Variants in PCK2 observed in about 807,000 individuals in gnomAD.
PCK2 encodes phosphoenolpyruvate carboxykinase [GTP], mitochondrial.
In PCK2, 56 loss-of-function variants were observed where a neutral mutation model predicts 65.9. The ratio of observed to expected loss-of-function variants is 0.85; its 90% confidence interval spans 0.69 to 1.06. The LOEUF (loss-of-function observed/expected upper bound fraction) is 1.06, where lower values mean the gene tolerates loss of function less well. PCK2 is among the 50% of genes least tolerant of loss of function. The probability of loss-of-function intolerance (pLI) is 0.00; values close to 1 mark genes in which losing one functional copy is unlikely to be tolerated. For synonymous variants in PCK2, 305 were observed against 319.6 expected, an observed-to-expected ratio of 0.95 and a Z score of 0.49; for missense variants, 843 against 863.1, an observed-to-expected ratio of 0.98 and a Z score of 0.29.
At position 24,100,597 on chromosome 14, in the gene PCK2, G is replaced by A. The variant is rs892476996; in HGVS notation, c.1234+384G>A. The A allele has an allele frequency of 2.8e-6, 3 of 1,076,564 alleles. No individual in the cohort carries two copies. The South Asian group carries it at 1.2e-4, about 43-fold the overall frequency. The allele number at this position is 1,076,564 out of a possible 1,614,324, so 66.7% of individuals were successfully genotyped here. Reference sequence around the variant, plus strand: ...GATTTTTTTTTAATGAAAGGAAAAGGAAGGACTTTTGAACATTCTTACAGA... The same window carrying A: ...GATTTTTTTTTAATGAAAGGAAAAGAAAGGACTTTTGAACATTCTTACAGA... On this transcript the variant is annotated intron_variant, in intron 7 of 9. Transcript: ENST00000216780.
At chr14:24,096,192 T>A (rs1267692563) in intron 1 of PCK2, among the ~76,000 whole-genome samples, 3 of 151,820 alleles carry the variant, frequency 2.0e-5, no homozygotes, top group African/African-American at 7.3e-5. Context: ...CCCAACTTCT[T>A]GTCTTGACAC....
intron 3 of PCK2, 33 bp downstream of exon 3, chr14:24,098,420 C>G (rs759240399): frequency 1.9e-6 from 3 of 1,611,966 alleles, no homozygotes; most frequent in Middle Eastern, 1.7e-4. Context: ...GGCAAGGGCA[C>G]GGAAGATGTG....
At chr14:24,102,594 G>A (rs2037203910) in intron 7 of PCK2, 159 bp from the exon 8 acceptor site, 3 of 631,268 alleles carry the variant, frequency 4.8e-6, no homozygotes, top group Non-Finnish European at 8.3e-6. Flanking sequence ...TCTTGGAGAT[G>A]CCCTGGCTCC....
At position 24,098,193 on chromosome 14, in the gene PCK2, T is replaced by C. The variant is rs747534198; in HGVS notation, c.276-10T>C. ...GGCCACCATCTTCCTGACAATCCCC[T>C]CTCCCCCAGCTGGCTGGCCCGCACA... On this transcript the variant is annotated splice_polypyrimidine_tract_variant and intron_variant, in intron 2 of 9. Coordinates refer to ENST00000216780, the MANE Select transcript of PCK2 (RefSeq NM_004563.4). 2.5e-6 allele frequency: 4 copies of C among 1,584,944 alleles called. No individual in the cohort carries two copies. Among genetic ancestry groups the C allele is most frequent in the South Asian group, 1.1e-5 (1 of 88,296 alleles).
Position 24,103,504 on chromosome 14 carries a change from C to T in PCK2, c.1469-6C>T. ...AGATTCCTTACCCATCTTGCTTCCC[C>T]CCCAGGGAAGATCATCATGCACGAC... On this transcript the variant is annotated splice_region_variant and splice_polypyrimidine_tract_variant and intron_variant, in intron 9 of 9. Coordinates refer to ENST00000216780, the MANE Select transcript of PCK2 (RefSeq NM_004563.4). The T allele has an allele frequency of 1.3e-6, 2 of 1,541,826 alleles. No individual in the cohort carries two copies. The highest frequency in any genetic ancestry group is 1.7e-6 in the Non-Finnish European group (2 of 1,143,476).
At chr14:24,096,315 T>C (rs911173712) in intron 1 of PCK2, among the ~76,000 whole-genome samples, 2 of 134,392 alleles carry the variant, frequency 1.5e-5, no homozygotes, top group African/African-American at 5.6e-5. Context: ...CTCGGCTCAC[T>C]GCAACCTCCA....
intron 2 of PCK2, among the ~76,000 whole-genome samples, chr14:24,097,564 CAAA>C (rs61077083): frequency 1.4e-5 from 2 of 138,888 alleles, no homozygotes. Context: ...AACTCTGTCT[CAAA>C]AAAAAAAAAG....
chr14:24,099,840 C>T, intron 6 of PCK2, 120 bp downstream of exon 6: 1 of 1,520,544 alleles, frequency 6.6e-7, no homozygotes, highest in Non-Finnish European at 9.1e-7. Flanking sequence ...AACCCTGCTC[C>T]ATTCCTCTGG....
chr14:24,103,010 T>C (rs897371703), intron 8 of PCK2, 120 bp downstream of exon 8: 12 of 1,279,516 alleles, frequency 9.4e-6, no homozygotes, highest in Non-Finnish European at 1.3e-5. Flanking sequence ...AGTTCTCCCC[T>C]GGTGAATGCA....
Position 24,094,886 on chromosome 14 carries a change from G to A in PCK2, c.29+452G>A, listed in dbSNP as rs572830750. On this transcript the variant is annotated intron_variant, in intron 1 of 9. Transcript: ENST00000216780. This position sits in a 1 kb window ranked among gnomAD's most constrained non-coding sequence, Gnocchi z 4.1. ...GAGACTAAGCTCAGAGCCCCCTAAA[G>A]AAGGTGGAAGGTTAAATATCCATTC... The A allele has an allele frequency of 4.0e-6, 5 of 1,257,238 alleles. No homozygotes were observed. The highest frequency in any genetic ancestry group is 5.2e-6 in the Non-Finnish European group (5 of 958,770). 77.9% of individuals were successfully genotyped at this position (1,257,238 alleles called of 1,614,324 possible).
At chr14:24,100,683 C>A in intron 7 of PCK2, 1 of 475,404 alleles carries the variant, frequency 2.1e-6, no homozygotes, top group Non-Finnish European at 2.8e-6. Context: ...AGGAAAGCTG[C>A]CTCCTCTGCT....
At position 24,097,094 on chromosome 14, in the gene PCK2, G is replaced by C. The variant is rs768931197; in HGVS notation, c.232G>C (p.Glu78Gln). 6 of 1,612,540 alleles carry C rather than the reference G, an allele frequency of 3.7e-6. No individual in the cohort carries two copies. The Admixed American group carries it at 5.0e-5, about 13-fold the overall frequency. ...AENTATLTLL[E>Q]QQGLIRKLPK... is the part of the protein sequence containing the mutation. ...GAATACTGCCACACTGACCCTGCTGGAGCAGCAGGGCCTCATCCGAAAGCT... is the reference window on the plus strand; with the variant it reads ...GAATACTGCCACACTGACCCTGCTGCAGCAGCAGGGCCTCATCCGAAAGCT... Residue 78 changes from glutamate (E) to glutamine (Q), a missense_variant, in exon 2 of 10, where the codon GAG (glutamate) becomes CAG (glutamine). Glu to Gln is a conservative substitution (Grantham distance 29). Coordinates refer to ENST00000216780, the MANE Select transcript of PCK2 (RefSeq NM_004563.4).
chr14:24,102,140 A>C (rs1330546213), intron 7 of PCK2, among the ~76,000 whole-genome samples: 1 of 152,178 alleles, frequency 6.6e-6, no homozygotes, highest in East Asian at 1.9e-4. Context: ...AGGTAGGAGA[A>C]TTGTTTGAAC....
rs373553320 is a variant in PCK2, at chr14:24,099,770, C to T, written c.1015+50C>T. Reference sequence around the variant, plus strand: ...TTGGTTCTGGCTCTTGTCAGAGCCTCGGGGTCTCCTCTCTAGTGTTCACAA... The same window carrying T: ...TTGGTTCTGGCTCTTGTCAGAGCCTTGGGGTCTCCTCTCTAGTGTTCACAA... On this transcript the variant is annotated intron_variant, in intron 6 of 9. Transcript: ENST00000216780. 1.7e-5 allele frequency: 26 copies of T among 1,551,542 alleles called. No individual in the cohort carries two copies. In the Middle Eastern group the frequency reaches 6.7e-4, roughly 40 times the overall value.
chr14:24,099,864 C>G, intron 6 of PCK2, 131 bp from the exon 7 acceptor site: 1 of 1,568,184 alleles, frequency 6.4e-7, no homozygotes, highest in Non-Finnish European at 8.8e-7. Context: ...CCCAGCCACC[C>G]GAGAGACAGC....
Position 24,100,035 on chromosome 14 carries a change from G to C in PCK2, c.1056G>C (p.Gly352=). Residue 352 remains glycine, a synonymous_variant, in exon 7 of 10, where the codon GGG becomes GGC. Coordinates refer to ENST00000216780, the MANE Select transcript of PCK2 (RefSeq NM_004563.4). ...RAINPENGFF[G]VAPGTSATTN... is the part of the protein sequence containing the mutation. ...TCAACCCTGAGAACGGCTTCTTTGG[G>C]GTTGCCCCTGGTACCTCTGCCACCA... is the stretch of plus-strand genomic sequence containing the variant. 6.2e-7 allele frequency: 1 copy of C among 1,613,956 alleles called. No homozygotes were observed. The highest frequency in any genetic ancestry group is 1.3e-5 in the African/African-American group (1 of 75,032).
At chr14:24,096,432 T>C (rs1020670092) in intron 1 of PCK2, among the ~76,000 whole-genome samples, 1 of 152,090 alleles carries the variant, frequency 6.6e-6, no homozygotes, top group East Asian at 1.9e-4. Context: ...AGATGGGGTT[T>C]CACCATGTTG....
chr14:24,102,888 A>G lies in PCK2; in HGVS notation c.1370A>G (p.Lys457Arg). ...DAIIFGGRRPKGVPLVYEAFN... is the reference protein window; with the variant it reads ...DAIIFGGRRPRGVPLVYEAFN... ...ATCATCTTTGGTGGCCGCAGACCCA[A>G]AGGTAAACAACATATGAGCTCCATG... The change falls in exon 8 of 10, where the codon AAA (lysine) becomes AGA (arginine). Residue 457 changes from lysine (K) to arginine (R), a missense_variant and splice_region_variant. By Grantham distance (26) the Lys-to-Arg change is conservative. Coordinates refer to ENST00000216780, the MANE Select transcript of PCK2 (RefSeq NM_004563.4). The G allele has an allele frequency of 1.9e-6, 3 of 1,613,262 alleles. No homozygotes were observed. The highest frequency in any genetic ancestry group is 1.7e-6 in the Non-Finnish European group (2 of 1,179,736).
chr14:24,103,368 C>A (rs1195973969), intron 9 of PCK2, 113 bp downstream of exon 9: 2 of 1,136,286 alleles, frequency 1.8e-6, no homozygotes, highest in Non-Finnish European at 2.6e-6. Context: ...ATGGCCCCAC[C>A]TCTTCCCACT....
Sources: gnomAD v4.1 joint callset for allele counts (sites outside exome capture counted in the v4.1 genomes callset) on GRCh38, gnomAD v4.1.1 for gene constraint, Gnocchi (gnomAD v3.1) non-coding constraint, MANE v1.5 for transcripts, NCBI Gene and HGNC (gene_info 2026-07-23, HGNC 2026-07-21) for gene names.